Variants in NNT observed in about 807,000 individuals in gnomAD.
The protein encoded by NNT is nicotinamide nucleotide transhydrogenase, also known as NAD(P) transhydrogenase, mitochondrial.
A neutral mutation model predicts 104.8 loss-of-function variants in NNT; 50 were observed. The ratio of observed to expected loss-of-function variants is 0.48; its 90% CI spans 0.38 to 0.60. NNT has a LOEUF of 0.60. NNT is among the 20% of genes least tolerant of loss of function. The probability of loss-of-function intolerance (pLI) is 0.00; values close to 1 mark genes in which losing one functional copy is unlikely to be tolerated. For missense variants in NNT, 1,131 were observed against 1,330.7 expected (o/e 0.85, Z 2.33); for synonymous variants, 461 against 490.4 (o/e 0.94, Z 0.79).
intron 12 of NNT, 149 bp from the exon 13 acceptor site, chr5:43,651,590 T>C (rs1341568904): frequency 1.2e-6 from 1 of 838,176 alleles, no homozygotes. Context: ...AAAAAAAAAT[T>C]TGAGGTTGCA....
intron 13 of NNT, among the ~76,000 whole-genome samples, chr5:43,652,721 T>G (rs1165765383): frequency 6.6e-6 from 1 of 152,168 alleles, no homozygotes; most frequent in Non-Finnish European, 1.5e-5. Context: ...ACAACACAAA[T>G]AAAACATGTG....
At position 43,609,218 on chromosome 5, in the gene NNT, T is replaced by G; in HGVS notation, c.23T>G (p.Val8Gly). The change falls in exon 2 of 22, where the codon GTG becomes GGG. Residue 8 changes from valine to glycine, a missense_variant. By Grantham distance (109) the Val-to-Gly change is moderately radical. Transcript: ENST00000344920. Reference sequence around the variant, plus strand: ...AACATGGCAAACCTATTGAAAACAGTGGTGACTGGCTGCTCGTGTCCTCTA... The same window carrying G: ...AACATGGCAAACCTATTGAAAACAGGGGTGACTGGCTGCTCGTGTCCTCTA... MANLLKT[V>G]VTGCSCPLLS... 3.7e-6 allele frequency: 6 copies of G among 1,613,914 alleles called. No homozygotes were observed. The highest frequency in any genetic ancestry group is 5.1e-6 in the Non-Finnish European group (6 of 1,179,904).
intron 10 of NNT, among the ~76,000 whole-genome samples, chr5:43,648,938 G>A: frequency 6.6e-6 from 1 of 151,358 alleles, no homozygotes; most frequent in East Asian, 1.9e-4. Context: ...AGCTTATTTT[G>A]GGGGGGTGGT....
chr5:43,703,510 A>G (rs1161540745), intron 21 of NNT, among the ~76,000 whole-genome samples: 6 of 152,220 alleles, frequency 3.9e-5, no homozygotes, highest in African/African-American at 1.4e-4. Flanking sequence ...TGTAGAGTGC[A>G]TTACTATACT....
chr5:43,615,639 G>T (rs1720802925), intron 3 of NNT, among the ~76,000 whole-genome samples: 1 of 152,166 alleles, frequency 6.6e-6, no homozygotes, highest in Non-Finnish European at 1.5e-5. Flanking sequence ...CCTTTACTCA[G>T]AGCAGTCCAC....
chr5:43,681,939 C>G (rs988844146), intron 19 of NNT, among the ~76,000 whole-genome samples: 1 of 152,150 alleles, frequency 6.6e-6, no homozygotes, highest in Non-Finnish European at 1.5e-5. Flanking sequence ...AGTAAGAATG[C>G]AAGGAGTAGT....
chr5:43,651,006 G>T (rs1211200173), intron 12 of NNT, among the ~76,000 whole-genome samples: 1 of 152,136 alleles, frequency 6.6e-6, no homozygotes, highest in African/African-American at 2.4e-5. Flanking sequence ...ATGCTATTTT[G>T]TAGCTAACAA....
At chr5:43,606,229 G>T (rs960280480) in intron 1 of NNT, among the ~76,000 whole-genome samples, 4 of 152,162 alleles carry the variant, frequency 2.6e-5, no homozygotes, top group African/African-American at 9.7e-5. Flanking sequence ...GGGGAGTTGG[G>T]ATGATCCAAG....
intron 1 of NNT, among the ~76,000 whole-genome samples, chr5:43,607,302 A>G (rs1220215704): frequency 6.6e-6 from 1 of 152,220 alleles, no homozygotes; most frequent in Non-Finnish European, 1.5e-5. Context: ...ACATTCCACC[A>G]TTGTGATTTG....
At chr5:43,661,665 G>GT (rs1333943891) in intron 17 of NNT, among the ~76,000 whole-genome samples, 1 of 147,994 alleles carries the variant, frequency 6.8e-6, no homozygotes, top group Non-Finnish European at 1.5e-5. Flanking sequence ...TCGGTGTTTG[G>GT]TTTTTTGTTC....
At chr5:43,661,547 C>T (rs1270890166) in intron 17 of NNT, among the ~76,000 whole-genome samples, 6 of 142,434 alleles carry the variant, frequency 4.2e-5, no homozygotes, top group African/African-American at 1.6e-4. Flanking sequence ...TCTCCCAATG[C>T]TATCCCTCCC....
chr5:43,612,656 G>A (rs1749559403), intron 2 of NNT, among the ~76,000 whole-genome samples: 1 of 151,856 alleles, frequency 6.6e-6, no homozygotes, highest in South Asian at 2.1e-4. Context: ...TATATTCCTT[G>A]AAGAAAGCCA....
intron 7 of NNT, among the ~76,000 whole-genome samples, chr5:43,637,240 A>T (rs1750977627): frequency 6.6e-6 from 1 of 152,116 alleles, no homozygotes; most frequent in African/African-American, 2.4e-5. Context: ...TAAATCAGAG[A>T]CTCATTAGAT....
chr5:43,681,153 G>A (rs547947835), intron 19 of NNT, among the ~76,000 whole-genome samples: 6 of 151,278 alleles, frequency 4.0e-5, no homozygotes, highest in East Asian at 4.0e-4. Context: ...CCAGCTACTC[G>A]GGAGGGTGAG....
rs1410955171 is a variant in NNT at position 43,705,646 on chromosome 5, C to T, written c.*1242C>T. On this transcript the variant is annotated 3_prime_UTR_variant, in exon 22 of 22. Coordinates refer to ENST00000344920, the MANE Select transcript of NNT (RefSeq NM_182977.3). Reference sequence around the variant, plus strand: ...TAACACATGAAAGACAATCTCTAAACCAGAAAAAGAAGTAGTACAAATTTT... The same window carrying T: ...TAACACATGAAAGACAATCTCTAAATCAGAAAAAGAAGTAGTACAAATTTT... 6.6e-6 allele frequency: 1 copy of T among 151,996 alleles called. No individual in the cohort carries two copies. The highest frequency in any genetic ancestry group is 1.5e-5 in the Non-Finnish European group (1 of 67,968). 9.4% of individuals were successfully genotyped at this position (151,996 alleles called of 1,614,324 possible).
At chr5:43,669,122 A>C (rs1022036405) in intron 17 of NNT, among the ~76,000 whole-genome samples, 1 of 152,132 alleles carries the variant, frequency 6.6e-6, no homozygotes, top group African/African-American at 2.4e-5. Context: ...ATTTTTGCAC[A>C]TTGATTTTGT....
intron 17 of NNT, among the ~76,000 whole-genome samples, chr5:43,671,346 T>C (rs1329899772): frequency 6.6e-6 from 1 of 152,222 alleles, no homozygotes; most frequent in Admixed American, 6.5e-5. Flanking sequence ...CTGGTTATTT[T>C]GCTCGTTAGT....
intron 17 of NNT, among the ~76,000 whole-genome samples, chr5:43,671,250 G>A (rs998508014): frequency 6.6e-6 from 1 of 152,284 alleles, no homozygotes; most frequent in South Asian, 2.1e-4. Flanking sequence ...TTGCCAGTCT[G>A]TGTCTTTTAA....
intron 7 of NNT, among the ~76,000 whole-genome samples, chr5:43,639,271 A>G (rs1219907696): frequency 2.6e-5 from 4 of 152,278 alleles, no homozygotes; most frequent in Non-Finnish European, 5.9e-5. Context: ...CATGGTTGAG[A>G]AAAGATACTG....
Sources: gnomAD v4.1 joint callset for allele counts (sites outside exome capture counted in the v4.1 genomes callset) on GRCh38, gnomAD v4.1.1 for gene constraint, MANE v1.5 for transcripts, NCBI Gene and HGNC (gene_info 2026-07-23, HGNC 2026-07-21) for gene names.